SOAT1: variants seen among roughly 807,000 people sequenced by gnomAD.
SOAT1 encodes acyl-coenzyme A:cholesterol acyltransferase 1.
SOAT1 carries 55 observed loss-of-function variants against 69.5 expected under a neutral mutation model. That is an observed-to-expected ratio of 0.79 (90% CI 0.64 to 0.99). The LOEUF (loss-of-function observed/expected upper bound fraction) is 0.99. Ranked by LOEUF, SOAT1 falls within the 50% of genes least tolerant of loss-of-function variation. SOAT1 has a pLI of 0.00. For missense variants in SOAT1, 580 were observed against 669.3 expected (o/e 0.87, Z 1.47); for synonymous variants, 231 against 224.7 (o/e 1.03, Z -0.25).
chr1:179,342,983 AGT>A (rs1388170343), intron 9 of SOAT1, 40 bp downstream of exon 9: 2 of 1,508,770 alleles, frequency 1.3e-6, no homozygotes. Context: ...AAACACCAAA[AGT>A]GTGGCATGAG....
rs934882532 is a variant in SOAT1 at position 179,337,936 on chromosome 1, A to T, written c.389+40A>T. The T allele has an allele frequency of 5.7e-6, 8 of 1,403,758 alleles. No individual in the cohort carries two copies. In the Admixed American group the frequency reaches 1.0e-4, roughly 18 times the overall value. The allele number at this position is 1,403,758 out of a possible 1,614,324, so 87.0% of individuals were successfully genotyped here. A position where few individuals can be genotyped will look rare whatever the true frequency, so the allele number is the denominator to read the frequency against. Reference sequence around the variant, plus strand: ...TTGTTTTTAAATATGTTTGATTTTTAAAAAACTATTCTGATAGAATCATTG... The same window carrying T: ...TTGTTTTTAAATATGTTTGATTTTTTAAAAACTATTCTGATAGAATCATTG... On this transcript the variant is annotated intron_variant, in intron 5 of 15. Transcript: ENST00000367619.
At chr1:179,299,150 G>A (rs2124930234) in intron 1 of SOAT1, among the ~76,000 whole-genome samples, 1 of 152,232 alleles carries the variant, frequency 6.6e-6, no homozygotes, top group South Asian at 2.1e-4. Context: ...GAGATGAGAG[G>A]TGGTGGTAAA....
At chr1:179,322,376 T>TTTTTTTTC (rs925618250) in intron 2 of SOAT1, among the ~76,000 whole-genome samples, 1 of 151,774 alleles carries the variant, frequency 6.6e-6, no homozygotes, top group Non-Finnish European at 1.5e-5. Context: ...ACTATTCTCC[T>TTTTTTTTC]TTTTTTTCTT....
chr1:179,302,267 G>C (rs143750596), intron 1 of SOAT1, among the ~76,000 whole-genome samples: 1 of 152,134 alleles, frequency 6.6e-6, no homozygotes, highest in Non-Finnish European at 1.5e-5. Context: ...TGAAATTCAC[G>C]TAAGCCAGAT....
rs756746164 is a variant in SOAT1 at position 179,341,301 on chromosome 1, A to G, written c.771A>G (p.Ile257Met). ...TLPPASRFII[I>M]FEQIRFVMKA... ...CACCAGCTTCCCGGTTCATCATTAT[A>G]TTCGAGCAGGTAAGGTTTTAAGTGT... The change falls in exon 7 of 16, where the codon ATA becomes ATG. Residue 257 changes from isoleucine (I) to methionine (M), a missense_variant. Coordinates refer to ENST00000367619, the MANE Select transcript of SOAT1 (RefSeq NM_003101.6). 1 of 1,613,972 alleles carries G rather than the reference A, an allele frequency of 6.2e-7. No individual in the cohort carries two copies. The highest frequency in any genetic ancestry group is 8.5e-7 in the Non-Finnish European group (1 of 1,179,952).
intron 2 of SOAT1, among the ~76,000 whole-genome samples, chr1:179,305,139 T>C (rs1216500423): frequency 1.3e-5 from 2 of 152,164 alleles, no homozygotes; most frequent in African/African-American, 4.8e-5. Context: ...CTAATATACT[T>C]CCTGTCACTT....
rs1052525392 is a variant in SOAT1, at chr1:179,358,458, G to A, written c.*4817G>A. ...AATACTTTTGAAACAGACAGTTCATGTACCCCATCATTTAGAGATGCAGTT... is the reference window on the plus strand; with the variant it reads ...AATACTTTTGAAACAGACAGTTCATATACCCCATCATTTAGAGATGCAGTT... On this transcript the variant is annotated 3_prime_UTR_variant, in exon 16 of 16. Transcript: ENST00000367619. The A allele has an allele frequency of 4.6e-5, 7 of 152,082 alleles. No individual in the cohort carries two copies. Among genetic ancestry groups the A allele is most frequent in the African/African-American group, 1.4e-4 (6 of 41,398 alleles). The allele number at this position is 152,082 out of a possible 1,614,324, so 9.4% of individuals were successfully genotyped here.
At chr1:179,350,721 C>T (rs1407163772) in intron 14 of SOAT1, among the ~76,000 whole-genome samples, 3 of 152,120 alleles carry the variant, frequency 2.0e-5, no homozygotes, top group African/African-American at 7.2e-5. Flanking sequence ...CTTTCCCATT[C>T]GTAAACATTG....
intron 8 of SOAT1, 136 bp from the exon 9 acceptor site, chr1:179,342,726 G>T: frequency 1.6e-6 from 1 of 612,484 alleles, no homozygotes; most frequent in East Asian, 2.7e-5. Context: ...AAGTCATTCC[G>T]GAGATCAGGA....
At chr1:179,349,253 T>C (rs1666639802) in intron 13 of SOAT1, among the ~76,000 whole-genome samples, 1 of 152,148 alleles carries the variant, frequency 6.6e-6, no homozygotes, top group Non-Finnish European at 1.5e-5. Context: ...GATAGTTTCT[T>C]ATGAGTCTTG....
At chr1:179,335,724 T>C in intron 4 of SOAT1, 67 bp downstream of exon 4, 3 of 1,450,222 alleles carry the variant, frequency 2.1e-6, no homozygotes, top group African/African-American at 2.8e-5. Context: ...GAAAATGGAC[T>C]GCGGCAAATA....
At chr1:179,295,496 A>G (rs1664600524) in intron 1 of SOAT1, among the ~76,000 whole-genome samples, 1 of 152,200 alleles carries the variant, frequency 6.6e-6, no homozygotes, top group South Asian at 2.1e-4. Context: ...TGTAATTTTC[A>G]GGGTCTGGTC....
At chr1:179,322,680 A>G (rs988276323) in intron 2 of SOAT1, among the ~76,000 whole-genome samples, 1 of 152,204 alleles carries the variant, frequency 6.6e-6, no homozygotes, top group Non-Finnish European at 1.5e-5. Context: ...TTTTCAGACC[A>G]CATAGATAGT....
intron 15 of SOAT1, among the ~76,000 whole-genome samples, chr1:179,352,254 T>C (rs1666765226): frequency 6.6e-6 from 1 of 151,848 alleles, no homozygotes; most frequent in South Asian, 2.1e-4. Context: ...GGATGGCTTT[T>C]TTTTTTTTTA....
chr1:179,296,153 CAG>C (rs1664632370), intron 1 of SOAT1, among the ~76,000 whole-genome samples: 2 of 151,710 alleles, frequency 1.3e-5, no homozygotes, highest in Admixed American at 6.6e-5. Flanking sequence ...TTAGTAGAGA[CAG>C]GGAGGGTTTC....
intron 3 of SOAT1, among the ~76,000 whole-genome samples, chr1:179,326,158 A>G (rs1166698199): frequency 1.3e-5 from 2 of 152,180 alleles, no homozygotes; most frequent in Admixed American, 6.5e-5. Flanking sequence ...GGCAAGAAAA[A>G]GTTGAAAACT....
In SOAT1 at chr1:179,358,249, T is replaced by C. The variant is rs1666970559; in HGVS notation, c.*4608T>C. 2.0e-5 allele frequency: 3 copies of C among 152,230 alleles called. No homozygotes were observed. 9.4% of individuals were successfully genotyped at this position (152,230 alleles called of 1,614,324 possible). A position where few individuals can be genotyped will look rare whatever the true frequency, so the allele number is the denominator to read the frequency against. ...AGCATATTATTAAAGTTTAAAAAAC[T>C]CTAAAACTTCTGTACTGTTTTTTTC... On this transcript the variant is annotated 3_prime_UTR_variant, in exon 16 of 16. Coordinates refer to ENST00000367619, the MANE Select transcript of SOAT1 (RefSeq NM_003101.6).
At chr1:179,340,464 A>C (rs1035340720) in intron 6 of SOAT1, among the ~76,000 whole-genome samples, 1 of 152,198 alleles carries the variant, frequency 6.6e-6, no homozygotes, top group African/African-American at 2.4e-5. Context: ...GCCTGGATGC[A>C]AAGGAGACCA....
At chr1:179,317,859 C>T (rs1319680959) in intron 2 of SOAT1, among the ~76,000 whole-genome samples, 1 of 152,104 alleles carries the variant, frequency 6.6e-6, no homozygotes, top group East Asian at 1.9e-4. Flanking sequence ...TTCACAAACT[C>T]ATTTGTGAAT....
Sources: gnomAD v4.1 joint callset for allele counts (sites outside exome capture counted in the v4.1 genomes callset) on GRCh38, gnomAD v4.1.1 for gene constraint, MANE v1.5 for transcripts, NCBI Gene and HGNC (gene_info 2026-07-23, HGNC 2026-07-21) for gene names.